The following XKR9 variants were observed in gnomAD, a reference collection of about 807,000 sequenced individuals.
XKR9 encodes XK related 9.
In XKR9, 32 loss-of-function variants were observed where a neutral mutation model predicts 32.0. The ratio of observed to expected loss-of-function variants is 1.00; its 90% CI spans 0.76 to 1.34. The LOEUF (loss-of-function observed/expected upper bound fraction) is 1.34, where lower values mean the gene tolerates loss of function less well. Among genes scored for constraint, XKR9 ranks in the 40% most tolerant of loss-of-function variants. The pLI is 0.00. For synonymous variants in XKR9, 168 were observed against 143.4 expected, an observed-to-expected ratio of 1.17 and a Z score of -1.22; for missense variants, 546 against 429.7, an observed-to-expected ratio of 1.27 and a Z score of -2.39.
chr8:70,950,177 A>G, the XKR9 span, among the ~76,000 whole-genome samples: 15 of 152,200 alleles, frequency 9.9e-5, no homozygotes, highest in African/African-American at 3.6e-4. Flanking sequence ...AGTGGTGAGC[A>G]ACAATATTTC....
the XKR9 span, among the ~76,000 whole-genome samples, chr8:70,922,607 C>G: frequency 6.6e-6 from 1 of 152,178 alleles, no homozygotes; most frequent in Non-Finnish European, 1.5e-5. Context: ...TATAAACTCC[C>G]TCAACTAGCT....
the XKR9 span, among the ~76,000 whole-genome samples, chr8:70,810,418 A>C: frequency 6.6e-6 from 1 of 152,280 alleles, no homozygotes; most frequent in Non-Finnish European, 1.5e-5. Flanking sequence ...TCATAATGAC[A>C]GTACCAAATA....
chr8:70,862,305 T>A, the XKR9 span, among the ~76,000 whole-genome samples: 2 of 152,154 alleles, frequency 1.3e-5, no homozygotes, highest in Non-Finnish European at 2.9e-5. Flanking sequence ...CCCCACATAG[T>A]CTCTTATAAG....
At chr8:70,969,303 A>G in the XKR9 span, among the ~76,000 whole-genome samples, 1 of 152,334 alleles carries the variant, frequency 6.6e-6, no homozygotes, top group East Asian at 1.9e-4. Context: ...GTGACAGATC[A>G]GCAAAATTAA....
At chr8:70,758,337 A>G (rs1448195656) in intron 2 of XKR9, among the ~76,000 whole-genome samples, 1 of 152,080 alleles carries the variant, frequency 6.6e-6, no homozygotes, top group African/African-American at 2.4e-5. Flanking sequence ...TTGCCAGACT[A>G]TTGCTCTATT....
intron 2 of XKR9, among the ~76,000 whole-genome samples, chr8:70,754,376 G>T (rs1449667376): frequency 7.7e-6 from 1 of 129,822 alleles, no homozygotes; most frequent in African/African-American, 2.5e-5. Context: ...TCCCCATCAA[G>T]CTACCAATGA....
chr8:70,709,607 G>C (rs1480361902), intron 4 of XKR9, among the ~76,000 whole-genome samples: 5 of 151,900 alleles, frequency 3.3e-5, no homozygotes, highest in African/African-American at 9.7e-5. Context: ...CAGTAAAATT[G>C]GTATACAAGA....
chr8:71,023,577 A>G, the XKR9 span, among the ~76,000 whole-genome samples: 1 of 152,016 alleles, frequency 6.6e-6, no homozygotes, highest in Admixed American at 6.6e-5. Context: ...AGGCAGGCTG[A>G]TTCTTGGGTG....
At chr8:71,062,205 C>T in the XKR9 span, among the ~76,000 whole-genome samples, 1 of 152,144 alleles carries the variant, frequency 6.6e-6, no homozygotes, top group African/African-American at 2.4e-5. Context: ...TCGTGAAGAA[C>T]AACAGATCTA....
At chr8:70,916,429 T>G in the XKR9 span, among the ~76,000 whole-genome samples, 1 of 152,208 alleles carries the variant, frequency 6.6e-6, no homozygotes, top group Non-Finnish European at 1.5e-5. Context: ...TGTATATGGA[T>G]CTGTTTCTCT....
At chr8:70,671,077 G>C (rs1353406591) in intron 1 of XKR9, among the ~76,000 whole-genome samples, 2 of 152,164 alleles carry the variant, frequency 1.3e-5, no homozygotes, top group African/African-American at 4.8e-5. Flanking sequence ...TTTCACCCGG[G>C]CTGCAGTGCA....
chr8:71,002,251 T>C, the XKR9 span, among the ~76,000 whole-genome samples: 1,437 of 151,798 alleles, frequency 9.5e-3, 23 homozygotes, highest in African/African-American at 0.033. Context: ...GTTGGAGAGA[T>C]TGGGGTTGAC....
the XKR9 span, among the ~76,000 whole-genome samples, chr8:70,977,984 A>G: frequency 6.6e-6 from 1 of 152,222 alleles, no homozygotes. Flanking sequence ...CTTTACCATT[A>G]TGTAATGACC....
chr8:71,026,498 T>C, the XKR9 span, among the ~76,000 whole-genome samples: 3 of 152,324 alleles, frequency 2.0e-5, no homozygotes, highest in East Asian at 3.9e-4. Context: ...AATGTTATGA[T>C]AGAAGAAAGT....
At chr8:70,859,517 T>G in the XKR9 span, among the ~76,000 whole-genome samples, 1 of 152,090 alleles carries the variant, frequency 6.6e-6, no homozygotes, top group Non-Finnish European at 1.5e-5. Context: ...GGAAAGAAGA[T>G]CATTATATTG....
At chr8:70,796,782 G>A in the XKR9 span, among the ~76,000 whole-genome samples, 4 of 152,168 alleles carry the variant, frequency 2.6e-5, no homozygotes, top group African/African-American at 7.2e-5. Context: ...CATACTGCTA[G>A]GCCTAGCACA....
the XKR9 span, among the ~76,000 whole-genome samples, chr8:70,906,766 C>A: frequency 1.3e-5 from 2 of 152,024 alleles, no homozygotes; most frequent in Non-Finnish European, 2.9e-5. Context: ...ATGCAAATAC[C>A]TTTTAATATT....
At chr8:70,990,228 A>G in the XKR9 span, among the ~76,000 whole-genome samples, 1 of 152,222 alleles carries the variant, frequency 6.6e-6, no homozygotes, top group Non-Finnish European at 1.5e-5. Flanking sequence ...GTCAATTGCT[A>G]ATATCCATGC....
intron 3 of XKR9, among the ~76,000 whole-genome samples, chr8:70,698,201 T>C (rs1464555344): frequency 2.3e-4 from 35 of 151,936 alleles, no homozygotes; most frequent in African/African-American, 8.2e-4. Flanking sequence ...CTGCTCTGAT[T>C]TTAGTTATTT....
Sources: allele counts gnomAD v4.1 joint callset (sites outside exome capture counted in the v4.1 genomes callset), GRCh38; gene constraint gnomAD v4.1.1; transcripts MANE v1.5; gene names NCBI Gene and HGNC (gene_info 2026-07-23, HGNC 2026-07-21).